The following ZFHX3 variants were observed in gnomAD, a reference collection of about 807,000 sequenced individuals.
ZFHX3 encodes the protein zinc finger homeobox 3.
A neutral mutation model predicts 279.1 loss-of-function variants in ZFHX3; 42 were observed. That is an observed-to-expected ratio of 0.15 (90% CI 0.12 to 0.19). The LOEUF (loss-of-function observed/expected upper bound fraction) is 0.19, where lower values mean the gene tolerates loss of function less well. Ranked by LOEUF, ZFHX3 falls within the 10% of genes least tolerant of loss-of-function variation. The pLI, the probability that ZFHX3 is intolerant of heterozygous loss-of-function variation, is 1.00. For missense variants in ZFHX3, 4,981 were observed against 4,754.0 expected (o/e 1.05, Z -1.40); for synonymous variants, 2,293 against 1,957.8 (o/e 1.17, Z -4.52).
chr16:72,988,021 T>G (rs1050927851), intron 1 of ZFHX3, among the ~76,000 whole-genome samples: 17 of 152,216 alleles, frequency 1.1e-4, no homozygotes, highest in Admixed American at 4.6e-4. Context: ...TGCTGTTACC[T>G]TTTAACCTCA....
chr16:73,155,971 G>T (rs941593297), intron 5 of ZFHX3, among the ~76,000 whole-genome samples: 2 of 151,984 alleles, frequency 1.3e-5, no homozygotes, highest in African/African-American at 4.8e-5. Context: ...GGTAGCTCAC[G>T]CCTGTAATCT....
intron 3 of ZFHX3, among the ~76,000 whole-genome samples, chr16:72,904,054 C>T (rs2039106565): frequency 6.6e-6 from 1 of 152,200 alleles, no homozygotes; most frequent in African/African-American, 2.4e-5. Flanking sequence ...CCTCAGTTCT[C>T]AGCACAGCTC....
intron 2 of ZFHX3, among the ~76,000 whole-genome samples, chr16:73,654,193 A>C (rs1178459152): frequency 1.3e-5 from 2 of 151,898 alleles, no homozygotes; most frequent in African/African-American, 2.4e-5. Flanking sequence ...CAAAAAAAAA[A>C]AAAAAAAGAT....
At chr16:73,015,071 G>C (rs1261242825) in intron 1 of ZFHX3, 2 of 132,326 alleles carry the variant, frequency 1.5e-5, no homozygotes, top group South Asian at 2.6e-4. Context: ...TTTTGAGATA[G>C]GGTCTCACTC....
chr16:73,809,589 G>A (rs914513727), intron 1 of ZFHX3: 8 of 152,166 alleles, frequency 5.3e-5, no homozygotes, highest in African/African-American at 1.7e-4. Context: ...AAAGTGCATT[G>A]ACTGGGGGAG....
chr16:73,162,212 T>TTTA (rs1967254346), intron 5 of ZFHX3, among the ~76,000 whole-genome samples: 1 of 152,202 alleles, frequency 6.6e-6, no homozygotes, highest in Non-Finnish European at 1.5e-5. Context: ...CTGTTCCCCA[T>TTTA]CGCTTTCATT....
At chr16:72,943,612 A>T (rs1041254661) in intron 3 of ZFHX3, among the ~76,000 whole-genome samples, 3 of 152,242 alleles carry the variant, frequency 2.0e-5, no homozygotes, top group African/African-American at 7.2e-5. Flanking sequence ...AAAGGGACTT[A>T]CTTTAGAACA....
At chr16:73,865,970 G>A (rs1962007308) in intron 1 of ZFHX3, among the ~76,000 whole-genome samples, 1 of 152,020 alleles carries the variant, frequency 6.6e-6, no homozygotes, top group South Asian at 2.1e-4. Context: ...GGGGGACAGA[G>A]CAAGACTCCG....
chr16:73,495,583 T>G (rs1004526918), intron 2 of ZFHX3, among the ~76,000 whole-genome samples: 3 of 152,214 alleles, frequency 2.0e-5, no homozygotes, highest in African/African-American at 7.2e-5. Flanking sequence ...GGCTGGAGAT[T>G]TGGCCCTTGA....
chr16:73,553,220 G>A (rs1395062104), intron 2 of ZFHX3, among the ~76,000 whole-genome samples: 1 of 150,356 alleles, frequency 6.7e-6, no homozygotes, highest in Non-Finnish European at 1.5e-5. Flanking sequence ...AATAGTGTCT[G>A]ATGAAAGAGA....
At chr16:73,066,199 A>T (rs907836872) in intron 8 of ZFHX3, among the ~76,000 whole-genome samples, 1 of 152,224 alleles carries the variant, frequency 6.6e-6, no homozygotes, top group African/African-American at 2.4e-5. Context: ...CTGCAGGGAC[A>T]TTCGACGCCA....
intron 2 of ZFHX3, among the ~76,000 whole-genome samples, chr16:73,607,379 A>G (rs1435863276): frequency 2.6e-5 from 4 of 152,134 alleles, no homozygotes; most frequent in Non-Finnish European, 5.9e-5. Context: ...TATGTACTAC[A>G]TTTTCTTTAT....
At chr16:73,623,528 A>C (rs920528480) in intron 2 of ZFHX3, among the ~76,000 whole-genome samples, 1 of 152,222 alleles carries the variant, frequency 6.6e-6, no homozygotes, top group Admixed American at 6.5e-5. Flanking sequence ...GTAAAATTCC[A>C]GAAAAATACA....
intron 3 of ZFHX3, among the ~76,000 whole-genome samples, chr16:73,397,481 A>G (rs1597317680): frequency 1.3e-5 from 2 of 152,102 alleles, no homozygotes; most frequent in East Asian, 3.9e-4. Flanking sequence ...GTGTGTAGAG[A>G]GAGAGGGAGA....
At chr16:72,993,196 C>T (rs1306497060) in intron 1 of ZFHX3, among the ~76,000 whole-genome samples, 1 of 152,220 alleles carries the variant, frequency 6.6e-6, no homozygotes, top group Non-Finnish European at 1.5e-5. Flanking sequence ...GACAGGTCCC[C>T]CGGCCTGGCT....
chr16:73,481,618 T>G (rs1367161266), intron 2 of ZFHX3, among the ~76,000 whole-genome samples: 1 of 145,964 alleles, frequency 6.9e-6, no homozygotes, highest in African/African-American at 2.5e-5. Context: ...GTGGTGTTGT[T>G]TTTTTGTTGT....
intron 1 of ZFHX3, among the ~76,000 whole-genome samples, chr16:72,982,743 C>G (rs932209047): frequency 2.0e-5 from 3 of 152,160 alleles, no homozygotes; most frequent in African/African-American, 7.2e-5. Context: ...GGATCTTTGG[C>G]CCATAAAAAA....
At chr16:73,203,771 A>C (rs542650809) in intron 5 of ZFHX3, among the ~76,000 whole-genome samples, 2 of 152,370 alleles carry the variant, frequency 1.3e-5, no homozygotes, top group African/African-American at 4.8e-5. Flanking sequence ...TAAGAGACTT[A>C]TGTGTATCAA....
chr16:73,714,368 T>C (rs1417631636), intron 1 of ZFHX3, among the ~76,000 whole-genome samples: 2 of 152,078 alleles, frequency 1.3e-5, no homozygotes, highest in African/African-American at 4.8e-5. Context: ...AAAGGACACA[T>C]CTCCATTCCC....
Sources: gnomAD v4.1 joint callset for allele counts (sites outside exome capture counted in the v4.1 genomes callset) on GRCh38, gnomAD v4.1.1 for gene constraint, MANE v1.5 for transcripts, NCBI Gene and HGNC (gene_info 2026-07-23, HGNC 2026-07-21) for gene names.